The following ZNF354B variants were observed in gnomAD, a reference collection of about 807,000 sequenced individuals.
ZNF354B encodes the protein zinc finger protein 354B.
A neutral mutation model predicts 12.9 loss-of-function variants in ZNF354B; 10 were observed. The observed-to-expected ratio is 0.77, with a 90% CI of 0.48 to 1.31. The LOEUF is 1.31. Ranked by LOEUF, ZNF354B falls within the 40% of genes most tolerant of loss-of-function variation. ZNF354B has a pLI of 0.00. For synonymous variants in ZNF354B, 260 were observed against 243.7 expected, an observed-to-expected ratio of 1.07 and a Z score of -0.62; for missense variants, 614 against 711.7, an observed-to-expected ratio of 0.86 and a Z score of 1.56.
intron 4 of ZNF354B, among the ~76,000 whole-genome samples, chr5:178,881,418 C>T (rs1177823467): frequency 6.6e-6 from 1 of 152,132 alleles, no homozygotes; most frequent in Non-Finnish European, 1.5e-5. Flanking sequence ...TGTCTTAATG[C>T]ACTGACATTT....
At chr5:178,879,585 A>G (rs1212728782) in intron 4 of ZNF354B, among the ~76,000 whole-genome samples, 3 of 150,308 alleles carry the variant, frequency 2.0e-5, no homozygotes, top group Admixed American at 1.3e-4. Context: ...CACCATGTTG[A>G]TCAGGATGGT....
intron 4 of ZNF354B, 24 bp downstream of exon 4, chr5:178,867,095 C>T (rs778998441): frequency 2.9e-5 from 46 of 1,591,182 alleles, no homozygotes; most frequent in Admixed American, 5.0e-5. Context: ...CCGAGGTGCT[C>T]GGGAATGGCC....
In ZNF354B at chr5:178,883,860, G is replaced by A. The variant is rs1213007918; in HGVS notation, c.1408G>A (p.Val470Ile). 1.9e-6 allele frequency: 3 copies of A among 1,613,978 alleles called. No individual in the cohort carries two copies. Among genetic ancestry groups the A allele is most frequent in the Non-Finnish European group, 2.5e-6 (3 of 1,180,000 alleles). ...TGGAGAAAAACCATGTAAATGTAAAGTATGTGGAAAAGCCTTCAGACAGAG... is the reference window on the plus strand; with the variant it reads ...TGGAGAAAAACCATGTAAATGTAAAATATGTGGAAAAGCCTTCAGACAGAG... ...HTGEKPCKCK[V>I]CGKAFRQSSA... Residue 470 changes from valine (V) to isoleucine (I), a missense_variant, in exon 5 of 5, where the codon GTA becomes ATA. By Grantham distance (29) the Val-to-Ile change is conservative. Transcript: ENST00000322434.
At chr5:178,864,780 GC>G (rs1561665907) in intron 2 of ZNF354B, among the ~76,000 whole-genome samples, 1 of 151,778 alleles carries the variant, frequency 6.6e-6, no homozygotes, top group Non-Finnish European at 1.5e-5. Context: ...ATGCCACCAC[GC>G]CCGGCTAATT....
intron 4 of ZNF354B, among the ~76,000 whole-genome samples, chr5:178,868,737 C>T (rs113556010): frequency 0.18 from 27,586 of 152,022 alleles, 2,794 homozygotes; most frequent in Non-Finnish European, 0.24. Flanking sequence ...CTTTGGGAGG[C>T]CGAGGCGGGC....
chr5:178,879,944 G>A (rs1176165530), intron 4 of ZNF354B, among the ~76,000 whole-genome samples: 9 of 151,902 alleles, frequency 5.9e-5, no homozygotes, highest in African/African-American at 7.3e-5. Context: ...TGGCTAACAC[G>A]GCAAAACCCC....
Position 178,867,043 on chromosome 5 carries a change from G to A in ZNF354B, c.228G>A (p.Glu76=). 3 of 1,613,714 alleles carry A rather than the reference G, an allele frequency of 1.9e-6. No individual in the cohort carries two copies. The East Asian group carries it at 6.7e-5, about 36-fold the overall frequency. The change falls in exon 4 of 5, where the codon GAG becomes GAA. Residue 76 remains glutamate (E), a synonymous_variant. Transcript: ENST00000322434. ...LQQGEDPWEV[E]KDSSGVSSLG... ...AAGGAGAAGATCCCTGGGAGGTGGA[G>A]AAAGACAGTTCTGGTGTCTCCTCTC... is the stretch of plus-strand genomic sequence containing the variant.
At chr5:178,861,768 G>A (rs1158459320) in intron 2 of ZNF354B, among the ~76,000 whole-genome samples, 1 of 152,198 alleles carries the variant, frequency 6.6e-6, no homozygotes, top group Non-Finnish European at 1.5e-5. Flanking sequence ...AAGCCAGATG[G>A]CAGCGTTTTA....
rs1757767860 is a variant in ZNF354B, at chr5:178,884,263, A to T, written c.1811A>T (p.Asp604Val). The T allele has an allele frequency of 1.3e-6, 2 of 1,597,706 alleles. No individual in the cohort carries two copies. The highest frequency in any genetic ancestry group is 2.7e-5 in the African/African-American group (2 of 74,034). ...TNHYKIHIEEDSLKADLHV is the reference protein window; with the variant it reads ...TNHYKIHIEEVSLKADLHV ...CATTATAAAATTCACATTGAAGAGG[A>T]CTCCTTAAAAGCCGATTTGCATGTG... Residue 604 changes from aspartate (D) to valine (V), a missense_variant, in exon 5 of 5, where the codon GAC becomes GTC. Transcript: ENST00000322434.
intron 4 of ZNF354B, among the ~76,000 whole-genome samples, chr5:178,867,727 A>G (rs1030105332): frequency 3.2e-4 from 48 of 152,210 alleles, no homozygotes; most frequent in African/African-American, 1.1e-3. Context: ...AATGAAAATT[A>G]CATGTATGTG....
At chr5:178,865,576 CA>C (rs1340407657) in intron 2 of ZNF354B, among the ~76,000 whole-genome samples, 6 of 151,384 alleles carry the variant, frequency 4.0e-5, no homozygotes, top group Non-Finnish European at 4.4e-5. Context: ...CAACTTTAAA[CA>C]AATTGCTTCG....
At chr5:178,875,380 C>T (rs1469542988) in intron 4 of ZNF354B, among the ~76,000 whole-genome samples, 1 of 152,136 alleles carries the variant, frequency 6.6e-6, no homozygotes, top group Admixed American at 6.5e-5. Flanking sequence ...GGTGACTGCC[C>T]TGTGCCCAAG....
intron 4 of ZNF354B, among the ~76,000 whole-genome samples, chr5:178,881,239 A>G (rs564307050): frequency 5.1e-4 from 78 of 152,240 alleles, no homozygotes; most frequent in African/African-American, 1.9e-3. Flanking sequence ...TGCTTGTCGC[A>G]AGCCTGGAGG....
chr5:178,879,391 G>GT (rs1169619268), intron 4 of ZNF354B, among the ~76,000 whole-genome samples: 7 of 144,228 alleles, frequency 4.9e-5, no homozygotes, highest in Non-Finnish European at 7.6e-5. Flanking sequence ...TTTTGTTTTT[G>GT]TTTTTTGAGA....
chr5:178,862,402 T>C (rs1276219606), intron 2 of ZNF354B, among the ~76,000 whole-genome samples: 1 of 146,960 alleles, frequency 6.8e-6, no homozygotes, highest in Non-Finnish European at 1.5e-5. Flanking sequence ...AGTCTTGCTC[T>C]GTCACCCAGG....
In ZNF354B at chr5:178,872,051, A is replaced by T. The variant is rs138955734; in HGVS notation, c.256+4980A>T. 7.6e-3 allele frequency among the ~76,000 whole-genome samples: 1,160 copies of T among 152,284 alleles called. 6 individuals are homozygous for T. The highest frequency in any genetic ancestry group is 0.012 in the Non-Finnish European group (806 of 68,026). On this transcript the variant is annotated intron_variant, in intron 4 of 4. Coordinates refer to ENST00000322434, the MANE Select transcript of ZNF354B (RefSeq NM_058230.3). ...AGATACTGACATTGATACAGTGAAG[A>T]TACAGAAAAATCCCTTCAGTCAGCA... is the stretch of plus-strand genomic sequence containing the variant.
chr5:178,878,979 G>A (rs934801029), intron 4 of ZNF354B, among the ~76,000 whole-genome samples: 3 of 151,014 alleles, frequency 2.0e-5, no homozygotes, highest in Non-Finnish European at 3.0e-5. Context: ...GGGATTACGG[G>A]TGTGAGCCAC....
rs78035002 is a variant in ZNF354B at position 178,864,150 on chromosome 5, A to G, written c.34-2094A>G. Among the ~76,000 whole-genome samples, 1,022 of 152,278 alleles carry G rather than the reference A, an allele frequency of 6.7e-3. 12 individuals are homozygous for G. The highest frequency in any genetic ancestry group is 0.023 in the African/African-American group (972 of 41,554). On this transcript the variant is annotated intron_variant, in intron 2 of 4. Transcript: ENST00000322434. Reference sequence around the variant, plus strand: ...CAATAGTGTCCTAAGTTTCACATTCACTCACTGCTTACTCAGCCAGGCGAC... The same window carrying G: ...CAATAGTGTCCTAAGTTTCACATTCGCTCACTGCTTACTCAGCCAGGCGAC...
intron 2 of ZNF354B, among the ~76,000 whole-genome samples, chr5:178,864,013 T>TTTAGTTAGAAA (rs1359187780): frequency 6.6e-6 from 1 of 152,132 alleles, no homozygotes; most frequent in Non-Finnish European, 1.5e-5. Context: ...AATTAAAAAG[T>TTTAGTTAGAAA]TTAGAAAGTA....
Sources: gnomAD v4.1 joint callset for allele counts (sites outside exome capture counted in the v4.1 genomes callset) on GRCh38, gnomAD v4.1.1 for gene constraint, MANE v1.5 for transcripts, NCBI Gene and HGNC (gene_info 2026-07-23, HGNC 2026-07-21) for gene names.